The following SERINC2 variants were observed in gnomAD, a reference collection of about 807,000 sequenced individuals.
The protein encoded by SERINC2 is serine incorporator 2, also known as tumor differentially expressed protein 2.
In SERINC2, 56 loss-of-function variants were observed where a neutral mutation model predicts 54.2. That is an observed-to-expected ratio of 1.03 (90% CI 0.83 to 1.29). The LOEUF is 1.29. SERINC2 is among the 50% of genes most tolerant of loss of function. The pLI is 0.00. For synonymous variants in SERINC2, 272 were observed against 253.1 expected, an observed-to-expected ratio of 1.07 and a Z score of -0.71; for missense variants, 614 against 607.4, an observed-to-expected ratio of 1.01 and a Z score of -0.12.
At chr1:31,417,306 G>T (rs1229172119) in intron 1 of SERINC2, among the ~76,000 whole-genome samples, 1 of 151,926 alleles carries the variant, frequency 6.6e-6, no homozygotes, top group East Asian at 1.9e-4. Context: ...CTCTTCTTTC[G>T]CAATCATTCC....
At position 31,413,728 on chromosome 1, in the gene SERINC2, T is replaced by TA; in HGVS notation, c.39+424_39+425insA. On this transcript the variant is annotated intron_variant, in intron 1 of 9. Transcript: ENST00000373709. This position sits in a 1 kb window ranked among gnomAD's most constrained non-coding sequence, Gnocchi z 5.0. Reference sequence around the variant, plus strand: ...CTCTGTGTAGGTCGCCCGGGCCCCGTCCCTCCTGGCGAGTGCCCTGCCCTA... The same window carrying TA: ...CTCTGTGTAGGTCGCCCGGGCCCCGTACCCTCCTGGCGAGTGCCCTGCCCTA... 2 of 1,288,578 alleles carry TA rather than the reference T, an allele frequency of 1.6e-6. No homozygotes were observed. Among genetic ancestry groups the TA allele is most frequent in the Non-Finnish European group, 9.8e-7 (1 of 1,020,034 alleles). The allele number at this position is 1,288,578 out of a possible 1,614,324, so 79.8% of individuals were successfully genotyped here.
In SERINC2 at chr1:31,429,004, G is replaced by T; in HGVS notation, c.807G>T (p.Leu269=). ...VQDAQPNSGL[L]QASVITLYTM... is the part of the protein sequence containing the mutation. The stretch of plus-strand genomic sequence containing the variant: ...ACGCCCAGCCCAACTCGGGTCTGCT[G>T]CAGGCCTCGGTCATCACCCTCTACA... Residue 269 remains leucine, a synonymous_variant, in exon 7 of 10, where the codon CTG becomes CTT. Coordinates refer to ENST00000373709, the MANE Select transcript of SERINC2 (RefSeq NM_178865.5). 6.2e-7 allele frequency: 1 copy of T among 1,613,966 alleles called. No homozygotes were observed. Among genetic ancestry groups the T allele is most frequent in the South Asian group, 1.1e-5 (1 of 91,078 alleles).
upstream of SERINC2, among the ~76,000 whole-genome samples, chr1:31,412,157 C>T (rs950744041): frequency 6.6e-6 from 1 of 152,198 alleles, no homozygotes; most frequent in Admixed American, 6.5e-5. Flanking sequence ...TCAACCAGCT[C>T]TTTGGCCCTG....
chr1:31,413,940 G>T lies in SERINC2; in HGVS notation c.39+636G>T, dbSNP rs1640710114. ...CTCTGCGGTCCCTTTACCGTCCTCA[G>T]TCTGGCTCGCGCTGCCTCTCAGGCA... On this transcript the variant is annotated intron_variant, in intron 1 of 9. Transcript: ENST00000373709. This position sits in a 1 kb window ranked among gnomAD's most constrained non-coding sequence, Gnocchi z 5.0. 3 of 1,524,506 alleles carry T rather than the reference G, an allele frequency of 2.0e-6. No individual in the cohort carries two copies. The highest frequency in any genetic ancestry group is 4.0e-5 in the Admixed American group (2 of 49,790). The allele number at this position is 1,524,506 out of a possible 1,614,324, so 94.4% of individuals were successfully genotyped here. A position where few individuals can be genotyped will look rare whatever the true frequency, so the allele number is the denominator to read the frequency against.
At chr1:31,414,792 C>G (rs1175600792) in intron 1 of SERINC2, 18 of 985,130 alleles carry the variant, frequency 1.8e-5, no homozygotes, top group Non-Finnish European at 1.8e-5. Context: ...GGCACAGGCC[C>G]TGCTGGGCTG....
At position 31,426,915 on chromosome 1, in the gene SERINC2, A is replaced by C. The variant is rs979617716; in HGVS notation, c.780+92A>C. 4 of 1,208,206 alleles carry C rather than the reference A, an allele frequency of 3.3e-6. No individual in the cohort carries two copies. In the African/African-American group the frequency reaches 4.5e-5, roughly 14 times the overall value. The allele number at this position is 1,208,206 out of a possible 1,614,324, so 74.8% of individuals were successfully genotyped here. A position where few individuals can be genotyped will look rare whatever the true frequency, so the allele number is the denominator to read the frequency against. ...CCTGGGTCCTGGGGCTAGGGCTGTCATCACAGAGGCACGGCCTGAGTGTGT... is the reference window on the plus strand; with the variant it reads ...CCTGGGTCCTGGGGCTAGGGCTGTCCTCACAGAGGCACGGCCTGAGTGTGT... On this transcript the variant is annotated intron_variant, in intron 6 of 9. Transcript: ENST00000373709.
intron 9 of SERINC2, 124 bp from the exon 10 acceptor site, chr1:31,433,940 A>C (rs1641393680): frequency 1.2e-5 from 11 of 935,852 alleles, no homozygotes; most frequent in Non-Finnish European, 1.8e-5. Flanking sequence ...TCAGAGATGG[A>C]CTGGAGTTAC....
At position 31,425,773 on chromosome 1, in the gene SERINC2, C is replaced by G; in HGVS notation, c.473-3C>G. 6.2e-7 allele frequency: 1 copy of G among 1,612,564 alleles called. No individual in the cohort carries two copies. Among genetic ancestry groups the G allele is most frequent in the Non-Finnish European group, 8.5e-7 (1 of 1,179,676 alleles). On this transcript the variant is annotated splice_polypyrimidine_tract_variant and splice_region_variant and intron_variant, in intron 4 of 9. Coordinates refer to ENST00000373709, the MANE Select transcript of SERINC2 (RefSeq NM_178865.5). ...CTCGCCTCACTCCCCTCTCCCCACC[C>G]AGTCTGGTTCTACTTCGGCGTCGTG...
upstream of SERINC2, among the ~76,000 whole-genome samples, chr1:31,411,594 G>A (rs1640649848): frequency 6.6e-6 from 1 of 152,004 alleles, no homozygotes; most frequent in Non-Finnish European, 1.5e-5. Flanking sequence ...CATTCCTAAT[G>A]GAACCAGGTA....
At position 31,432,092 on chromosome 1, in the gene SERINC2, ACAGGGTGGACAGGGTGGATAGGGTGGT is replaced by A. The variant is rs1557501144; in HGVS notation, c.1014-874_1014-848del. On this transcript the variant is annotated intron_variant, in intron 8 of 9. Transcript: ENST00000373709. Reference sequence around the variant, plus strand: ...AGGGTGGACAGGGTGGTTAGGGTGGACAGGGTGGACAGGGTGGATAGGGTGGTTAGGGTGGATAGGGTGGACAGGGTG... The same window carrying A: ...AGGGTGGACAGGGTGGTTAGGGTGGATAGGGTGGATAGGGTGGACAGGGTG... 1.5e-3 allele frequency among the ~76,000 whole-genome samples: 168 copies of A among 110,244 alleles called. 12 individuals are homozygous for A. Among genetic ancestry groups the A allele is most frequent in the Middle Eastern group, 0.011 (2 of 178 alleles). The allele number at this position is 110,244 out of a possible 152,430, so 72.3% of individuals were successfully genotyped here.
intron 8 of SERINC2, among the ~76,000 whole-genome samples, chr1:31,431,962 G>A (rs868910908): frequency 2.6e-4 from 32 of 120,942 alleles, no homozygotes; most frequent in Non-Finnish European, 4.9e-4. Context: ...GGTGGTTAGG[G>A]TGGATAGGGT....
chr1:31,411,799 A>G (rs576871724), upstream of SERINC2, among the ~76,000 whole-genome samples: 1 of 152,160 alleles, frequency 6.6e-6, no homozygotes, highest in East Asian at 1.9e-4. Context: ...GGAGTTCGAG[A>G]CTAGCCTGGA....
chr1:31,419,435 T>C (rs1640855631), intron 1 of SERINC2, among the ~76,000 whole-genome samples: 1 of 152,242 alleles, frequency 6.6e-6, no homozygotes, highest in African/African-American at 2.4e-5. Flanking sequence ...CAATGAAATG[T>C]ACCCAAGTTA....
intron 1 of SERINC2, among the ~76,000 whole-genome samples, chr1:31,421,880 A>T (rs1316033533): frequency 1.3e-5 from 2 of 152,126 alleles, no homozygotes; most frequent in African/African-American, 2.4e-5. Flanking sequence ...GGCCTTCTTA[A>T]ATTCCTCAAA....
At chr1:31,427,246 G>A (rs1641070732) in intron 6 of SERINC2, among the ~76,000 whole-genome samples, 1 of 152,188 alleles carries the variant, frequency 6.6e-6, no homozygotes, top group South Asian at 2.1e-4. Flanking sequence ...TGGAAGTAGT[G>A]TAGGAAGGTG....
chr1:31,431,807 G>C (rs1641225348), intron 8 of SERINC2, among the ~76,000 whole-genome samples: 1 of 144,792 alleles, frequency 6.9e-6, no homozygotes, highest in African/African-American at 2.5e-5. Flanking sequence ...AGGGTGGACA[G>C]GGTGGACAGG....
At chr1:31,411,753 T>C (rs181134097), upstream of SERINC2, among the ~76,000 whole-genome samples, 627 of 152,010 alleles carry the variant, frequency 4.1e-3, 7 homozygotes, top group Non-Finnish European at 4.5e-3. Context: ...ATACCAGCAC[T>C]TTGGGAGGCC....
chr1:31,417,213 C>T (rs1241978950), intron 1 of SERINC2, among the ~76,000 whole-genome samples: 2 of 152,170 alleles, frequency 1.3e-5, no homozygotes, highest in Non-Finnish European at 2.9e-5. Context: ...TCCTCCCTTC[C>T]CCCAAAGATA....
intron 3 of SERINC2, among the ~76,000 whole-genome samples, chr1:31,425,115 A>T (rs1472676045): frequency 8.5e-5 from 13 of 152,084 alleles, no homozygotes; most frequent in Admixed American, 7.2e-4. Flanking sequence ...CTGGGTGACC[A>T]CCCTCACCAC....
Sources: gnomAD v4.1 joint callset for allele counts (sites outside exome capture counted in the v4.1 genomes callset) on GRCh38, gnomAD v4.1.1 for gene constraint, Gnocchi (gnomAD v3.1) non-coding constraint, MANE v1.5 for transcripts, NCBI Gene and HGNC (gene_info 2026-07-23, HGNC 2026-07-21) for gene names.